The following HACL2 variants were observed in gnomAD, a reference collection of about 807,000 sequenced individuals.
HACL2 encodes the protein 2-hydroxyacyl-CoA lyase 1 like.
chr19:15,116,601 G>C, the HACL2 span: 1 of 1,143,858 alleles, frequency 8.7e-7, no homozygotes, highest in East Asian at 2.4e-5. Flanking sequence ...AAAACAGCAG[G>C]AAGCCAGCAG....
chr19:15,116,489 T>A, the HACL2 span: 23 of 1,613,470 alleles, frequency 1.4e-5, no homozygotes, highest in Non-Finnish European at 1.9e-5. Flanking sequence ...CTGAAGGCCC[T>A]CCACTAACTT....
At chr19:15,116,552 G>C in the HACL2 span, 2 of 1,566,458 alleles carry the variant, frequency 1.3e-6, no homozygotes, top group Non-Finnish European at 1.7e-6. Flanking sequence ...CAGCTGTGGG[G>C]AGCTGGCTTC....
At chr19:15,123,878 T>A in the HACL2 span, 1 of 438,718 alleles carries the variant, frequency 2.3e-6, no homozygotes, top group African/African-American at 2.0e-5. This position sits in a 1 kb window ranked among gnomAD's most constrained non-coding sequence, Gnocchi z 5.1. Context: ...ACTGCCTGTC[T>A]CCAGGATGGC....
At chr19:15,124,756 A>G in the HACL2 span, 1 of 931,130 alleles carries the variant, frequency 1.1e-6, no homozygotes, top group Non-Finnish European at 1.6e-6. Context: ...AGGCCTCCAT[A>G]CACAGCGTGG....
chr19:15,123,502 G>A, the HACL2 span: 1 of 1,614,180 alleles, frequency 6.2e-7, no homozygotes, highest in Non-Finnish European at 8.5e-7. The surrounding 1 kb of genome is among the most constrained non-coding windows in gnomAD (Gnocchi z 5.1). Context: ...CCAGCGTGAA[G>A]ATGAACCGCA....
chr19:15,123,197 G>A, the HACL2 span: 81 of 1,614,014 alleles, frequency 5.0e-5, no homozygotes, highest in African/African-American at 9.5e-4. The surrounding 1 kb of genome is among the most constrained non-coding windows in gnomAD (Gnocchi z 5.1). Flanking sequence ...CAGTCACCGT[G>A]TTGGTGAGGC....
chr19:15,116,429 C>T, the HACL2 span: 56 of 1,613,888 alleles, frequency 3.5e-5, no homozygotes, highest in Middle Eastern at 4.9e-4. Context: ...CTCCTTCTGC[C>T]GGTCGGCTTC....
chr19:15,116,453 A>C, the HACL2 span: 1 of 1,613,578 alleles, frequency 6.2e-7, no homozygotes, highest in Non-Finnish European at 8.5e-7. Flanking sequence ...CAGCTCCTCC[A>C]CCCAGTCTGG....
At chr19:15,116,863 A>C in the HACL2 span, 3 of 292,704 alleles carry the variant, frequency 1.0e-5, no homozygotes, top group Non-Finnish European at 1.9e-5. Flanking sequence ...CATCTCTCAA[A>C]TCCAGGCACG....
the HACL2 span, chr19:15,124,681 T>G: frequency 1.3e-5 from 7 of 531,854 alleles, no homozygotes; most frequent in South Asian, 1.6e-4. Flanking sequence ...GGGAAGGAGG[T>G]AGGTGGGGTG....
chr19:15,120,684 GACAGAC>G, the HACL2 span, among the ~76,000 whole-genome samples: 1 of 152,204 alleles, frequency 6.6e-6, no homozygotes, highest in Non-Finnish European at 1.5e-5. Flanking sequence ...TCCAGCGAAA[GACAGAC>G]ACATGGGCAT....
At chr19:15,115,498 G>A in the HACL2 span, 6 of 1,601,386 alleles carry the variant, frequency 3.7e-6, no homozygotes, top group Non-Finnish European at 4.3e-6. Context: ...CAGCCCAGGA[G>A]AGGAACACAA....
the HACL2 span, chr19:15,117,923 G>C: frequency 1.2e-6 from 2 of 1,614,014 alleles, no homozygotes; most frequent in Non-Finnish European, 1.7e-6. Context: ...TCTGAGTTGA[G>C]CAACATCTCT....
chr19:15,122,976 TAC>T, the HACL2 span: 3 of 1,603,228 alleles, frequency 1.9e-6, no homozygotes, highest in Non-Finnish European at 2.5e-6. The surrounding 1 kb of genome is among the most constrained non-coding windows in gnomAD (Gnocchi z 4.0). Context: ...ACACAAAACT[TAC>T]AGAGTGGCCG....
chr19:15,120,715 C>A, the HACL2 span, among the ~76,000 whole-genome samples: 34 of 152,308 alleles, frequency 2.2e-4, 1 homozygote, highest in African/African-American at 7.9e-4. Flanking sequence ...AGGAAACAGT[C>A]GGAGCTCAGA....
chr19:15,119,378 C>T, the HACL2 span: 1 of 1,612,790 alleles, frequency 6.2e-7, no homozygotes, highest in South Asian at 1.1e-5. Flanking sequence ...GGACTGGGGA[C>T]TGGGAACGTG....
the HACL2 span, chr19:15,116,516 A>G: frequency 6.2e-7 from 1 of 1,613,026 alleles, no homozygotes; most frequent in African/African-American, 1.3e-5. Flanking sequence ...GAAGGAACCC[A>G]CATCTCCTGG....
chr19:15,115,484 C>T, the HACL2 span: 4 of 1,601,638 alleles, frequency 2.5e-6, no homozygotes, highest in African/African-American at 4.0e-5. Context: ...ACCGCACATG[C>T]AGCCAGCCCA....
At chr19:15,124,728 T>C in the HACL2 span, 3 of 702,232 alleles carry the variant, frequency 4.3e-6, no homozygotes, top group East Asian at 6.4e-5. Context: ...GTGTTCTCTC[T>C]TACCAGTGGC....
Sources: gnomAD v4.1 joint callset for allele counts (sites outside exome capture counted in the v4.1 genomes callset) on GRCh38, gnomAD v4.1.1 for gene constraint, Gnocchi (gnomAD v3.1) non-coding constraint, MANE v1.5 for transcripts, NCBI Gene and HGNC (gene_info 2026-07-23, HGNC 2026-07-21) for gene names.